The following PACS1 variants were observed in gnomAD, a reference collection of about 807,000 sequenced individuals.
The protein encoded by PACS1 is phosphofurin acidic cluster sorting protein 1.
In PACS1, 24 loss-of-function variants were observed where a neutral mutation model predicts 115.0. The ratio of observed to expected loss-of-function variants is 0.21; its 90% CI spans 0.15 to 0.29. The LOEUF (loss-of-function observed/expected upper bound fraction) is 0.29, where lower values mean the gene tolerates loss of function less well. Ranked by LOEUF, PACS1 falls within the 10% of genes least tolerant of loss-of-function variation. The probability of loss-of-function intolerance (pLI) is 1.00; values close to 1 mark genes in which losing one functional copy is unlikely to be tolerated. For synonymous variants in PACS1, 453 were observed against 504.5 expected, an observed-to-expected ratio of 0.90 and a Z score of 1.37; for missense variants, 838 against 1,251.2, an observed-to-expected ratio of 0.67 and a Z score of 4.98.
intron 1 of PACS1, among the ~76,000 whole-genome samples, chr11:66,126,112 A>C (rs544637885): frequency 6.2e-4 from 94 of 150,936 alleles, no homozygotes; most frequent in Non-Finnish European, 1.1e-3. Context: ...AGTCCACTTT[A>C]TGTGTTAGTG....
In PACS1 at chr11:66,241,524, G is replaced by A. The variant is rs369846760; in HGVS notation, c.2527G>A (p.Ala843Thr). The A allele has an allele frequency of 4.1e-5, 66 of 1,614,022 alleles. 2 individuals carry two copies. The Middle Eastern group carries it at 4.9e-4, about 12-fold the overall frequency. The change falls in exon 22 of 24, where the codon GCC becomes ACC. Residue 843 changes from alanine (A) to threonine (T), a missense_variant. Physicochemically the swap from Ala to Thr is moderately conservative, Grantham distance 58. Transcript: ENST00000320580. ...GAGGAGGGAAGGCGACAAGAGGGAC[G>A]CCAGCTCGAAGAACACCCTCAAGAG... The part of the protein sequence containing the change: ...ERRREGDKRD[A>T]SSKNTLKSVF...
rs1457998237 is a variant in PACS1, at chr11:66,236,043, C to T, written c.2250+103C>T. The T allele has an allele frequency of 5.4e-6, 6 of 1,120,728 alleles. No homozygotes were observed. The highest frequency in any genetic ancestry group is 8.2e-6 in the Non-Finnish European group (6 of 731,200). The allele number at this position is 1,120,728 out of a possible 1,614,324, so 69.4% of individuals were successfully genotyped here. On this transcript the variant is annotated intron_variant, in intron 19 of 23. Coordinates refer to ENST00000320580, the MANE Select transcript of PACS1 (RefSeq NM_018026.4). The surrounding 1 kb of genome is among the most constrained non-coding windows in gnomAD (Gnocchi z 4.2). ...AGATTCATCTAGAACAGTGGTTCTC[C>T]AGACACTGGAGATTTTGCCTCCAGG...
chr11:66,111,318 A>G (rs1477029084), intron 1 of PACS1, among the ~76,000 whole-genome samples: 1 of 152,204 alleles, frequency 6.6e-6, no homozygotes, highest in African/African-American at 2.4e-5. Context: ...TGTTGACTGC[A>G]TGTTGTTCTG....
At chr11:66,179,904 T>C (rs1257542550) in intron 1 of PACS1, among the ~76,000 whole-genome samples, 1 of 152,178 alleles carries the variant, frequency 6.6e-6, no homozygotes, top group African/African-American at 2.4e-5. Flanking sequence ...CAGGCTGGAG[T>C]GCAGTGGCAT....
chr11:66,137,972 T>C (rs2134588869), intron 1 of PACS1, among the ~76,000 whole-genome samples: 1 of 152,298 alleles, frequency 6.6e-6, no homozygotes, highest in East Asian at 1.9e-4. Context: ...CCTCAGGTGA[T>C]CCACCTGCCT....
chr11:66,215,867 T>G (rs1855189437), intron 4 of PACS1, among the ~76,000 whole-genome samples: 1 of 149,658 alleles, frequency 6.7e-6, no homozygotes, highest in South Asian at 2.1e-4. Context: ...GCCACTGCAC[T>G]CCAGCCTGGG....
chr11:66,210,839 C>G (rs1490715314), intron 3 of PACS1, among the ~76,000 whole-genome samples: 1 of 152,198 alleles, frequency 6.6e-6, no homozygotes, highest in African/African-American at 2.4e-5. Context: ...TCCCTCTCAT[C>G]GTAATTCCAG....
At chr11:66,091,964 T>C (rs534777828) in intron 1 of PACS1, among the ~76,000 whole-genome samples, 1 of 152,102 alleles carries the variant, frequency 6.6e-6, no homozygotes, top group South Asian at 2.1e-4. Flanking sequence ...CTATTGTGAA[T>C]AGTGCTGCAA....
intron 1 of PACS1, among the ~76,000 whole-genome samples, chr11:66,162,841 G>A (rs1859523455): frequency 6.6e-6 from 1 of 152,156 alleles, no homozygotes; most frequent in Non-Finnish European, 1.5e-5. Context: ...AATTTTATCC[G>A]CAGTAAATGT....
chr11:66,162,786 TAA>T (rs1859522136), intron 1 of PACS1, among the ~76,000 whole-genome samples: 1 of 152,262 alleles, frequency 6.6e-6, no homozygotes, highest in South Asian at 2.1e-4. Context: ...ATATATTTGC[TAA>T]GACTAATGCG....
At chr11:66,229,617 T>C (rs142423301) in intron 11 of PACS1, among the ~76,000 whole-genome samples, 2,753 of 151,908 alleles carry the variant, frequency 0.018, 40 homozygotes, top group Non-Finnish European at 0.024. Flanking sequence ...AGGCAGAGCT[T>C]GCAGTGAGCC....
At chr11:66,183,241 T>G (rs998559709) in intron 1 of PACS1, among the ~76,000 whole-genome samples, 3 of 152,246 alleles carry the variant, frequency 2.0e-5, no homozygotes, top group Non-Finnish European at 4.4e-5. Flanking sequence ...TTTGGGTAAC[T>G]TCTTCAGCAG....
chr11:66,138,660 TGA>T (rs1159871457), intron 1 of PACS1, among the ~76,000 whole-genome samples: 3 of 151,670 alleles, frequency 2.0e-5, no homozygotes, highest in Non-Finnish European at 4.4e-5. Flanking sequence ...ATAGGACTCT[TGA>T]GAGGTGAGCT....
intron 1 of PACS1, among the ~76,000 whole-genome samples, chr11:66,170,445 C>T (rs1017384115): frequency 2.0e-5 from 3 of 150,192 alleles, no homozygotes; most frequent in South Asian, 2.1e-4. Context: ...AGTTTTGATA[C>T]GTCATATTTT....
chr11:66,184,902 C>T (rs1201958311), intron 1 of PACS1, among the ~76,000 whole-genome samples: 1 of 152,196 alleles, frequency 6.6e-6, no homozygotes, highest in Non-Finnish European at 1.5e-5. Flanking sequence ...ATCAGCGGTA[C>T]TCTGTCCTTC....
At chr11:66,142,555 A>G (rs75088602) in intron 1 of PACS1, among the ~76,000 whole-genome samples, 3,035 of 130,756 alleles carry the variant, frequency 0.023, 203 homozygotes, top group South Asian at 0.22. Context: ...CAATCCTCCC[A>G]CCTTGGCCTC....
chr11:66,213,553 G>A (rs1431720328), intron 4 of PACS1, among the ~76,000 whole-genome samples: 1 of 152,232 alleles, frequency 6.6e-6, no homozygotes, highest in African/African-American at 2.4e-5. Flanking sequence ...CCACTGAGCA[G>A]ACAGAGCTGA....
At chr11:66,164,021 TGA>T (rs1859545168) in intron 1 of PACS1, among the ~76,000 whole-genome samples, 1 of 152,186 alleles carries the variant, frequency 6.6e-6, no homozygotes, top group Non-Finnish European at 1.5e-5. Flanking sequence ...TGTCAGAAGC[TGA>T]ACTTTGTGGG....
intron 1 of PACS1, among the ~76,000 whole-genome samples, chr11:66,176,048 T>C (rs1859852263): frequency 7.3e-6 from 1 of 136,428 alleles, no homozygotes; most frequent in South Asian, 2.2e-4. Flanking sequence ...AAGTGGACTT[T>C]CCAAAAATAT....
Sources: gnomAD v4.1 joint callset for allele counts (sites outside exome capture counted in the v4.1 genomes callset) on GRCh38, gnomAD v4.1.1 for gene constraint, Gnocchi (gnomAD v3.1) non-coding constraint, MANE v1.5 for transcripts, NCBI Gene and HGNC (gene_info 2026-07-23, HGNC 2026-07-21) for gene names.